Variants in TASOR2 observed in about 807,000 individuals in gnomAD.
The protein encoded by TASOR2 is transcription activation suppressor family member 2.
In TASOR2, 84 loss-of-function variants were observed where a neutral mutation model predicts 199.5. The observed-to-expected ratio is 0.42, with a 90% confidence interval of 0.35 to 0.50. The LOEUF is 0.50. Among genes scored for constraint, TASOR2 ranks in the 20% least tolerant of loss-of-function variants. TASOR2 has a pLI of 0.02. For missense variants in TASOR2, 2,796 were observed against 2,835.9 expected (o/e 0.99, Z 0.32); for synonymous variants, 1,103 against 1,046.6 (o/e 1.05, Z -1.04).
At position 5,741,563 on chromosome 10, in the gene TASOR2, A is replaced by G. The variant is rs111887331; in HGVS notation, c.2328-534A>G. 3.9e-5 allele frequency among the ~76,000 whole-genome samples: 6 copies of G among 152,226 alleles called. No individual in the cohort carries two copies. The South Asian group carries it at 6.2e-4, about 16-fold the overall frequency. ...TGCCAGGTGGCCAGAAATGTTTTCT[A>G]TTTCCCCTTACTGTTTCAGGATATT... On this transcript the variant is annotated intron_variant, in intron 13 of 20. Coordinates refer to ENST00000328090, the Ensembl canonical transcript of TASOR2.
intron 10 of TASOR2, among the ~76,000 whole-genome samples, chr10:5,729,503 C>A (rs924436455): frequency 2.0e-5 from 3 of 152,200 alleles, no homozygotes; most frequent in African/African-American, 7.2e-5. Flanking sequence ...TCGTTCAAGA[C>A]CAGCCTGAGC....
intron 10 of TASOR2, among the ~76,000 whole-genome samples, chr10:5,727,369 T>G (rs908863452): frequency 1.3e-5 from 2 of 152,246 alleles, no homozygotes; most frequent in African/African-American, 4.8e-5. Flanking sequence ...TGCCTTAAAT[T>G]CAGCATGTCT....
In TASOR2 at chr10:5,690,553, A is replaced by C. The variant is rs927782377; in HGVS notation, c.-288+5378A>C. Among the ~76,000 whole-genome samples, 1 of 152,026 alleles carries C rather than the reference A, an allele frequency of 6.6e-6. No individual in the cohort carries two copies. Among genetic ancestry groups the C allele is most frequent in the African/African-American group, 2.4e-5 (1 of 41,364 alleles). ...TGGGCTACGTGTAGAGGTGGTGGCC[A>C]TACATAGTTATCTTTATTCTGGCAT... On this transcript the variant is annotated intron_variant, in intron 1 of 20. Transcript: ENST00000328090. This position sits in a 1 kb window ranked among gnomAD's most constrained non-coding sequence, Gnocchi z 4.8.
rs1323383320 is a variant in TASOR2 at position 5,750,095 on chromosome 10, A to G, written c.6606+68A>G. The G allele has an allele frequency of 6.8e-7, 1 of 1,463,598 alleles. No individual in the cohort carries two copies. Among genetic ancestry groups the G allele is most frequent in the Non-Finnish European group, 9.1e-7 (1 of 1,101,966 alleles). 90.7% of individuals were successfully genotyped at this position (1,463,598 alleles called of 1,614,324 possible). Reference sequence around the variant, plus strand: ...TTTTAGTTTTAGAAATAATAAATTTAGCATATTAGCCATCAAAAAGAAATC... The same window carrying G: ...TTTTAGTTTTAGAAATAATAAATTTGGCATATTAGCCATCAAAAAGAAATC... On this transcript the variant is annotated intron_variant, in intron 15 of 20. Transcript: ENST00000328090. This position sits in a 1 kb window ranked among gnomAD's most constrained non-coding sequence, Gnocchi z 5.4.
At chr10:5,686,185 A>G (rs1264073319) in intron 1 of TASOR2, among the ~76,000 whole-genome samples, 2 of 152,242 alleles carry the variant, frequency 1.3e-5, no homozygotes, top group African/African-American at 4.8e-5. Flanking sequence ...AAGGTCCACA[A>G]TTATGTTAAG....
exon 15 of TASOR2, chr10:5,747,067 G>A: frequency 1.9e-6 from 3 of 1,614,118 alleles, no homozygotes; most frequent in Non-Finnish European, 2.5e-6. Flanking sequence ...TACCACCTTG[G>A]GAAGGCAGTG....
chr10:5,717,089 T>C (rs73610592), intron 2 of TASOR2, among the ~76,000 whole-genome samples: 2,520 of 150,758 alleles, frequency 0.017, 75 homozygotes, highest in African/African-American at 0.059. Context: ...TCATTGCTGA[T>C]GTTTGAGAGG....
At chr10:5,739,843 A>G (rs1342220173) in exon 13 of TASOR2, 3 of 1,614,048 alleles carry the variant, frequency 1.9e-6, no homozygotes, top group Non-Finnish European at 2.5e-6. Context: ...AGAAATCTTC[A>G]CTGTTCCTCT....
intron 6 of TASOR2, 61 bp downstream of exon 7, chr10:5,721,031 T>C (rs1437348341): frequency 2.2e-5 from 29 of 1,320,924 alleles, no homozygotes; most frequent in Non-Finnish European, 2.5e-5. Context: ...GGGTTTTTTT[T>C]CCTCACCTCA....
rs1451887206 is a variant in TASOR2 at position 5,689,598 on chromosome 10, TCAAAAAAA to T, written c.-288+4435_-288+4442del. ...CTGGGCGACAGAGCAAGACTCCATC[TCAAAAAAA>T]CAAAAAAACAAGCATGTATGTATCT... is the stretch of plus-strand genomic sequence containing the variant. On this transcript the variant is annotated intron_variant, in intron 1 of 20. Coordinates refer to ENST00000328090, the Ensembl canonical transcript of TASOR2. This position sits in a 1 kb window ranked among gnomAD's most constrained non-coding sequence, Gnocchi z 4.1. Among the ~76,000 whole-genome samples, 6 of 152,138 alleles carry T rather than the reference TCAAAAAAA, an allele frequency of 3.9e-5. No homozygotes were observed. Among genetic ancestry groups the T allele is most frequent in the Non-Finnish European group, 7.3e-5 (5 of 68,032 alleles).
At position 5,754,860 on chromosome 10, in the gene TASOR2, C is replaced by G. The variant is rs558216050; in HGVS notation, c.6607-1753C>G. 5.3e-5 allele frequency among the ~76,000 whole-genome samples: 8 copies of G among 151,292 alleles called. No individual in the cohort carries two copies. The highest frequency in any genetic ancestry group is 3.9e-4 in the East Asian group (2 of 5,082). ...AGATTGAGACCTTCCTGGCTAACAC[C>G]GTGAAACCCCATCTCTACTAAAAAT... On this transcript the variant is annotated intron_variant, in intron 15 of 20. Transcript: ENST00000328090. This position sits in a 1 kb window ranked among gnomAD's most constrained non-coding sequence, Gnocchi z 4.3.
chr10:5,736,213 G>A (rs755275324), intron 12 of TASOR2, among the ~76,000 whole-genome samples: 3 of 152,074 alleles, frequency 2.0e-5, no homozygotes, highest in Admixed American at 6.6e-5. Flanking sequence ...GAGGTCAGGA[G>A]TTCCAGACCA....
chr10:5,747,780 T>G lies in TASOR2; in HGVS notation c.4359T>G (p.Asn1453Lys), dbSNP rs1239544061. The change falls in exon 15 of 21, where the codon AAT becomes AAG. Residue 1453 changes from asparagine (N) to lysine (K), a missense_variant. This residue lies in a region of TASOR2 where 1,941 missense variants were observed against 1,924.9 expected (regional missense o/e 1.01). Coordinates refer to ENST00000328090, the Ensembl canonical transcript of TASOR2. ...ACTTAGGCATAACAGAAAAAGAAAATGTTTTTGTTGGTCCTACCCATCCAG... is the reference window on the plus strand; with the variant it reads ...ACTTAGGCATAACAGAAAAAGAAAAGGTTTTTGTTGGTCCTACCCATCCAG... The G allele has an allele frequency of 6.2e-7, 1 of 1,613,914 alleles. No homozygotes were observed. The highest frequency in any genetic ancestry group is 8.5e-7 in the Non-Finnish European group (1 of 1,180,012).
chr10:5,731,500 C>T (rs897771727), intron 11 of TASOR2, among the ~76,000 whole-genome samples: 1 of 152,248 alleles, frequency 6.6e-6, no homozygotes, highest in Non-Finnish European at 1.5e-5. Context: ...TGCGCTCCCG[C>T]CTGGGTGACG....
chr10:5,757,692 T>C lies in TASOR2; in HGVS notation c.6886+19T>C, dbSNP rs1445480674. On this transcript the variant is annotated intron_variant, in intron 17 of 20. Coordinates refer to ENST00000328090, the Ensembl canonical transcript of TASOR2. ...ACATTAGGTTGGTCTTTATTTTCTT[T>C]TCCTGTTTCTTTGAAGTCAGATCAA... is the stretch of plus-strand genomic sequence containing the variant. 1.2e-5 allele frequency: 19 copies of C among 1,610,524 alleles called. No homozygotes were observed. Among genetic ancestry groups the C allele is most frequent in the Non-Finnish European group, 1.6e-5 (19 of 1,178,892 alleles).
intron 14 of TASOR2, 102 bp from the exon 16 acceptor site, chr10:5,746,077 A>G: frequency 7.7e-7 from 1 of 1,300,014 alleles, no homozygotes; most frequent in Non-Finnish European, 1.0e-6. Flanking sequence ...TTCACAAACT[A>G]AAATTAATTT....
In TASOR2 at chr10:5,742,370, C is replaced by T. The variant is rs756406842; in HGVS notation, c.2601C>T (p.Ser867=). 3 of 1,613,998 alleles carry T rather than the reference C, an allele frequency of 1.9e-6. No homozygotes were observed. Among genetic ancestry groups the T allele is most frequent in the East Asian group, 2.2e-5 (1 of 44,884 alleles). Residue 867 remains serine, a synonymous_variant, in exon 14 of 21, where the codon TCC becomes TCT. Transcript: ENST00000328090. The surrounding 1 kb of genome is among the most constrained non-coding windows in gnomAD (Gnocchi z 4.2). ...CCAGGGCTCATGCTGCTGAAGTATC[C>T]TTCCGTGATCCTAACTGCTTGCTTC...
At chr10:5,746,950 G>T in exon 15 of TASOR2, 1 of 1,614,232 alleles carries the variant, frequency 6.2e-7, no homozygotes, top group Non-Finnish European at 8.5e-7. Context: ...CAGTGAAGAA[G>T]TGAGATGCAC....
rs1371265877 is a variant in TASOR2 at position 5,687,338 on chromosome 10, A to G, written c.-288+2163A>G. 6.6e-6 allele frequency among the ~76,000 whole-genome samples: 1 copy of G among 152,172 alleles called. No homozygotes were observed. The highest frequency in any genetic ancestry group is 1.5e-5 in the Non-Finnish European group (1 of 68,042). ...GCCTTTTTAAACAGTTTTATCACCT[A>G]TATAGATATCCTTAACTAGCATTGT... On this transcript the variant is annotated intron_variant, in intron 1 of 20. Coordinates refer to ENST00000328090, the Ensembl canonical transcript of TASOR2. This position sits in a 1 kb window ranked among gnomAD's most constrained non-coding sequence, Gnocchi z 4.8.
Sources: gnomAD v4.1 joint callset for allele counts (sites outside exome capture counted in the v4.1 genomes callset) on GRCh38, gnomAD v4.1.1 for gene constraint, gnomAD v4.1.1 regional missense constraint, Gnocchi (gnomAD v3.1) non-coding constraint, MANE v1.5 for transcripts, NCBI Gene and HGNC (gene_info 2026-07-23, HGNC 2026-07-21) for gene names.